Variants in RTL4 observed in about 807,000 individuals in gnomAD.
RTL4 encodes retrotransposon Gag like 4.
Under a neutral mutation model 5.3 loss-of-function variants are expected in RTL4, and 4 were observed. The ratio of observed to expected loss-of-function variants is 0.75; its 90% CI spans 0.37 to 1.72. The LOEUF is 1.72. Among genes scored for constraint, RTL4 ranks in the 40% most tolerant of loss-of-function variants. The pLI, the probability that RTL4 is intolerant of heterozygous loss-of-function variation, is 0.04. For synonymous variants in RTL4, 98 were observed against 87.3 expected (o/e 1.12, Z -0.68); for missense variants, 260 against 227.1 (o/e 1.14, Z -0.93).
At chrX:112,295,926 G>A in the RTL4 span, among the ~76,000 whole-genome samples, 2 of 112,421 alleles carry the variant, frequency 1.8e-5, no homozygotes, top group Admixed American at 1.9e-4. Context: ...ATAATCAGCT[G>A]TATTTTATAT....
At chrX:112,455,102 A>T (rs1179936323) in exon 1 of RTL4, 2 of 1,211,974 alleles carry the variant, frequency 1.7e-6, no homozygotes, top group South Asian at 3.5e-5. Context: ...CTGAAGCAAT[A>T]TGAGAATCTT....
chrX:112,440,303 T>C, the RTL4 span, among the ~76,000 whole-genome samples: 2 of 111,711 alleles, frequency 1.8e-5, no homozygotes, highest in African/African-American at 6.5e-5. Flanking sequence ...GGAGATCAGA[T>C]GGCTTGGGAA....
the RTL4 span, among the ~76,000 whole-genome samples, chrX:112,147,917 A>G: frequency 4.5e-5 from 5 of 111,253 alleles, no homozygotes; most frequent in South Asian, 7.6e-4. Context: ...CCCCCTCTCT[A>G]TGTGTTCCCT....
the RTL4 span, among the ~76,000 whole-genome samples, chrX:112,427,814 T>G: frequency 9.0e-6 from 1 of 111,122 alleles, no homozygotes; most frequent in Admixed American, 9.6e-5. Flanking sequence ...CAGGTGGTTT[T>G]GGGTTACATG....
At chrX:112,345,610 C>A in the RTL4 span, among the ~76,000 whole-genome samples, 1 of 111,423 alleles carries the variant, frequency 9.0e-6, no homozygotes, top group African/African-American at 3.3e-5. Context: ...TATGCTTGAC[C>A]TCCAACTAAT....
At chrX:112,409,102 T>A in the RTL4 span, among the ~76,000 whole-genome samples, 1 of 112,496 alleles carries the variant, frequency 8.9e-6, no homozygotes, top group Admixed American at 9.4e-5. Flanking sequence ...TGACTGTTAA[T>A]TGTAAGTGCA....
At chrX:112,413,796 A>G in the RTL4 span, among the ~76,000 whole-genome samples, 2 of 110,709 alleles carry the variant, frequency 1.8e-5, no homozygotes, top group African/African-American at 3.3e-5. Context: ...CAACAGGGTG[A>G]GTATAATCAA....
chrX:112,332,208 A>T, the RTL4 span, among the ~76,000 whole-genome samples: 3 of 110,709 alleles, frequency 2.7e-5, no homozygotes, highest in African/African-American at 9.9e-5. Flanking sequence ...ATGTGGAGAA[A>T]TAGGAACACT....
chrX:112,398,884 A>G, the RTL4 span, among the ~76,000 whole-genome samples: 2 of 112,209 alleles, frequency 1.8e-5, no homozygotes, highest in South Asian at 3.7e-4. Flanking sequence ...TAGAATTGTT[A>G]TTATTTCTTT....
At chrX:112,275,082 A>C in the RTL4 span, among the ~76,000 whole-genome samples, 2 of 111,402 alleles carry the variant, frequency 1.8e-5, no homozygotes, top group Non-Finnish European at 3.8e-5. Flanking sequence ...GCAGTTTGGC[A>C]TCAGCATCTA....
chrX:112,144,200 G>T, the RTL4 span, among the ~76,000 whole-genome samples: 17 of 111,291 alleles, frequency 1.5e-4, no homozygotes, highest in African/African-American at 5.6e-4. Flanking sequence ...AACAGCTCTG[G>T]CTGCAGTACT....
At chrX:112,240,215 G>A in the RTL4 span, among the ~76,000 whole-genome samples, 5 of 111,635 alleles carry the variant, frequency 4.5e-5, no homozygotes, top group Admixed American at 9.6e-5. Flanking sequence ...CTGGTGACAA[G>A]ACAAGGAACA....
the RTL4 span, among the ~76,000 whole-genome samples, chrX:112,439,152 T>A: frequency 9.0e-6 from 1 of 111,503 alleles, no homozygotes; most frequent in South Asian, 3.8e-4. Context: ...TCGTGAGGGC[T>A]TTTGGCAGAT....
the RTL4 span, among the ~76,000 whole-genome samples, chrX:112,361,125 T>C: frequency 1.8e-5 from 2 of 110,987 alleles, no homozygotes; most frequent in Non-Finnish European, 3.8e-5. Flanking sequence ...AAAAACTAAA[T>C]CCAAAATTTG....
At chrX:112,133,539 C>T in the RTL4 span, among the ~76,000 whole-genome samples, 3 of 111,510 alleles carry the variant, frequency 2.7e-5, no homozygotes, top group Non-Finnish European at 1.9e-5. Flanking sequence ...CCATGAAGCA[C>T]ATCCATGCAG....
At chrX:112,190,178 TTC>T in the RTL4 span, among the ~76,000 whole-genome samples, 1 of 104,137 alleles carries the variant, frequency 9.6e-6, no homozygotes, top group East Asian at 3.0e-4. Context: ...CTTTCTTTCT[TTC>T]TTTCTTTCTT....
the RTL4 span, among the ~76,000 whole-genome samples, chrX:112,298,071 A>G: frequency 8.9e-6 from 1 of 111,775 alleles, no homozygotes; most frequent in Non-Finnish European, 1.9e-5. Flanking sequence ...AGCGATTCAG[A>G]ATCAGAGCGT....
the RTL4 span, among the ~76,000 whole-genome samples, chrX:112,326,224 G>T: frequency 9.0e-6 from 1 of 111,702 alleles, no homozygotes; most frequent in East Asian, 2.8e-4. Flanking sequence ...GGTGATTTCT[G>T]CTTTCCATCT....
At chrX:112,268,032 T>C in the RTL4 span, among the ~76,000 whole-genome samples, 1 of 111,218 alleles carries the variant, frequency 9.0e-6, no homozygotes, top group African/African-American at 3.3e-5. Flanking sequence ...ATAAGCCAAG[T>C]CATGTCACCC....
Sources: gnomAD v4.1 joint callset for allele counts (sites outside exome capture counted in the v4.1 genomes callset) on GRCh38, gnomAD v4.1.1 for gene constraint, MANE v1.5 for transcripts, NCBI Gene and HGNC (gene_info 2026-07-23, HGNC 2026-07-21) for gene names.